ZNF654: variants seen among roughly 807,000 people sequenced by gnomAD.
ZNF654 encodes the protein melanoma-associated antigen.
A neutral mutation model predicts 95.3 loss-of-function variants in ZNF654; 19 were observed. The ratio of observed to expected loss-of-function variants is 0.20; its 90% CI spans 0.14 to 0.29. The LOEUF (loss-of-function observed/expected upper bound fraction) is 0.29, where lower values mean the gene tolerates loss of function less well. ZNF654 is among the 10% of genes least tolerant of loss of function. ZNF654 has a pLI of 1.00. For missense variants in ZNF654, 1,046 were observed against 1,341.0 expected (o/e 0.78, Z 3.44); for synonymous variants, 413 against 457.9 (o/e 0.90, Z 1.25).
chr3:88,112,554 A>G (rs1217700395), intron 2 of ZNF654, among the ~76,000 whole-genome samples: 1 of 151,982 alleles, frequency 6.6e-6, no homozygotes, highest in Non-Finnish European at 1.5e-5. Context: ...CCATCCTGTT[A>G]TGAGTGGGAT....
rs1458164462 is a variant in ZNF654, at chr3:88,143,764, G to A, written c.*2112G>A. ...TTTCTGCAAGACTGAGATCAAACTG[G>A]TTTATATATAACTAAATCAAGGAAT... On this transcript the variant is annotated 3_prime_UTR_variant, in exon 9 of 9. Transcript: ENST00000636215. The A allele has an allele frequency of 1.3e-5, 2 of 151,980 alleles. No homozygotes were observed. Among genetic ancestry groups the A allele is most frequent in the Admixed American group, 6.6e-5 (1 of 15,242 alleles). The allele number at this position is 151,980 out of a possible 1,614,324, so 9.4% of individuals were successfully genotyped here.
At chr3:88,069,242 T>G (rs530578495) in intron 1 of ZNF654, among the ~76,000 whole-genome samples, 10 of 152,066 alleles carry the variant, frequency 6.6e-5, no homozygotes, top group Non-Finnish European at 1.2e-4. Context: ...GCCAACATGG[T>G]GAAACCCCAT....
At chr3:88,108,478 A>G (rs1704881799) in intron 2 of ZNF654, among the ~76,000 whole-genome samples, 1 of 152,194 alleles carries the variant, frequency 6.6e-6, no homozygotes, top group Non-Finnish European at 1.5e-5. Context: ...TTTGTTACCC[A>G]TAGTCAACCA....
chr3:88,100,271 A>T (rs1400041910), intron 2 of ZNF654, among the ~76,000 whole-genome samples: 3 of 152,218 alleles, frequency 2.0e-5, no homozygotes, highest in Admixed American at 2.0e-4. Flanking sequence ...AACCACAATG[A>T]GATACCATCT....
chr3:88,129,805 A>G lies in ZNF654; in HGVS notation c.872A>G (p.Asn291Ser), dbSNP rs1706338080. 6.6e-7 allele frequency: 1 copy of G among 1,524,610 alleles called. No homozygotes were observed. Among genetic ancestry groups the G allele is most frequent in the African/African-American group, 1.4e-5 (1 of 72,846 alleles). The allele number at this position is 1,524,610 out of a possible 1,614,324, so 94.4% of individuals were successfully genotyped here. Reference protein sequence around the residue: ...CESFLIPQLQNGDMYCIWELI... With the variant: ...CESFLIPQLQSGDMYCIWELI... ...TCCTTTCTTATTCCACAGCTCCAGA[A>G]TGGGGATATGTACTGTATCTGGTAA... Residue 291 changes from asparagine to serine, a missense_variant, in exon 6 of 9, where the codon AAT becomes AGT. Around this residue, in one of 9 missense-constraint regions of ZNF654, gnomAD observed 121 missense variants for 141.7 expected, o/e 0.85. Coordinates refer to ENST00000636215, the MANE Select transcript of ZNF654 (RefSeq NM_001350134.2).
chr3:88,116,559 T>TACACACACACACACACACAC (rs140401038), intron 3 of ZNF654, among the ~76,000 whole-genome samples: 51 of 146,654 alleles, frequency 3.5e-4, no homozygotes, highest in African/African-American at 1.2e-3. Context: ...CATACATATA[T>TACACACACACACACACACAC]ATACACACAC....
intron 1 of ZNF654, among the ~76,000 whole-genome samples, chr3:88,063,533 C>A (rs1707008705): frequency 6.6e-6 from 1 of 152,094 alleles, no homozygotes; most frequent in South Asian, 2.1e-4. Context: ...ATAGGATTTA[C>A]ATAATACTTA....
At chr3:88,065,899 A>G (rs1415992419) in intron 1 of ZNF654, among the ~76,000 whole-genome samples, 1 of 152,044 alleles carries the variant, frequency 6.6e-6, no homozygotes, top group Non-Finnish European at 1.5e-5. Flanking sequence ...ATGCCCGGCT[A>G]AATTTTTGTA....
chr3:88,108,945 A>G (rs1317783792), intron 2 of ZNF654, among the ~76,000 whole-genome samples: 1 of 152,180 alleles, frequency 6.6e-6, no homozygotes, highest in East Asian at 1.9e-4. Flanking sequence ...CACACCTCAA[A>G]CCGCAAAATT....
At chr3:88,078,048 C>G (rs1299169900) in intron 1 of ZNF654, among the ~76,000 whole-genome samples, 1 of 152,114 alleles carries the variant, frequency 6.6e-6, no homozygotes, top group Non-Finnish European at 1.5e-5. Context: ...GCTTAATATG[C>G]TAATTCTGGA....
At chr3:88,097,336 C>G (rs556576950) in intron 2 of ZNF654, among the ~76,000 whole-genome samples, 1 of 151,920 alleles carries the variant, frequency 6.6e-6, no homozygotes, top group African/African-American at 2.4e-5. Flanking sequence ...TAAGAGAGAA[C>G]CAGTTTTCTC....
chr3:88,090,141 C>T (rs1708557090), intron 2 of ZNF654, among the ~76,000 whole-genome samples: 1 of 151,774 alleles, frequency 6.6e-6, no homozygotes, highest in Admixed American at 6.6e-5. Context: ...TAGAGTGTAC[C>T]TCTTCTACCT....
At chr3:88,113,231 CACTTAAA>C (rs1576304929) in intron 3 of ZNF654, 35 bp downstream of exon 3, 1 of 1,343,716 alleles carries the variant, frequency 7.4e-7, no homozygotes, top group Non-Finnish European at 1.0e-6. Flanking sequence ...ACTTTGTCTA[CACTTAAA>C]ATAGACCATT....
At chr3:88,125,220 A>C (rs1706024938) in intron 3 of ZNF654, among the ~76,000 whole-genome samples, 1 of 151,560 alleles carries the variant, frequency 6.6e-6, no homozygotes. Context: ...CATCTCAAAA[A>C]AAAAAACAAA....
At chr3:88,134,910 T>C (rs1463340151) in intron 6 of ZNF654, 151 bp from the exon 7 acceptor site, 8 of 438,332 alleles carry the variant, frequency 1.8e-5, no homozygotes, top group East Asian at 3.7e-5. Flanking sequence ...TAGTCTCATA[T>C]AGGTAGAAGA....
intron 2 of ZNF654, among the ~76,000 whole-genome samples, chr3:88,110,099 GT>G (rs1704998896): frequency 6.6e-6 from 1 of 152,150 alleles, no homozygotes; most frequent in Non-Finnish European, 1.5e-5. Flanking sequence ...GTTGTACTAT[GT>G]TATTAATCAG....
Position 88,129,779 on chromosome 3 carries a change from A to T in ZNF654, c.846A>T (p.Glu282Asp). 1.3e-6 allele frequency: 2 copies of T among 1,527,718 alleles called. No individual in the cohort carries two copies. The highest frequency in any genetic ancestry group is 2.4e-5 in the South Asian group (2 of 82,956). The allele number at this position is 1,527,718 out of a possible 1,614,324, so 94.6% of individuals were successfully genotyped here. Residue 282 changes from glutamate to aspartate, a missense_variant, in exon 6 of 9, where the codon GAA becomes GAT. Glu to Asp is a conservative substitution (Grantham distance 45). Coordinates refer to ENST00000636215, the MANE Select transcript of ZNF654 (RefSeq NM_001350134.2). The stretch of plus-strand genomic sequence containing the variant: ...CTATGTTAGCCTTGCAACTCTGTGA[A>T]TCCTTTCTTATTCCACAGCTCCAGA... Reference protein sequence around the residue: ...GKTMLALQLCESFLIPQLQNG... With the variant: ...GKTMLALQLCDSFLIPQLQNG...
At chr3:88,123,996 C>A (rs116356669) in intron 3 of ZNF654, among the ~76,000 whole-genome samples, 1,895 of 152,258 alleles carry the variant, frequency 0.012, 38 homozygotes, top group African/African-American at 0.042. Context: ...ATGTTAAATT[C>A]ATGGCTGATC....
At chr3:88,059,644 C>T in intron 1 of ZNF654, 139 bp downstream of exon 1, 12 of 1,299,340 alleles carry the variant, frequency 9.2e-6, no homozygotes, top group Non-Finnish European at 1.2e-5. Flanking sequence ...GAAGCTCCCT[C>T]CTCCACTTAT....
Sources: allele counts gnomAD v4.1 joint callset (sites outside exome capture counted in the v4.1 genomes callset), GRCh38; gene constraint gnomAD v4.1.1; regional missense constraint gnomAD v4.1.1; transcripts MANE v1.5; gene names NCBI Gene and HGNC (gene_info 2026-07-23, HGNC 2026-07-21).